ABCB11: variants seen among roughly 807,000 people sequenced by gnomAD.
ABCB11 encodes the protein bile salt export pump.
A neutral mutation model predicts 148.0 loss-of-function variants in ABCB11; 95 were observed. That is an observed-to-expected ratio of 0.64 (90% CI 0.54 to 0.76). The LOEUF is 0.76. Ranked by LOEUF, ABCB11 falls within the 30% of genes least tolerant of loss-of-function variation. ABCB11 has a pLI of 0.00. For missense variants in ABCB11, 1,523 were observed against 1,617.8 expected, an observed-to-expected ratio of 0.94 and a Z score of 1.01; for synonymous variants, 591 against 555.4, an observed-to-expected ratio of 1.06 and a Z score of -0.90.
At chr2:168,924,618 A>G (rs1488087171) in intron 27 of ABCB11, 39 bp downstream of exon 27, 10 of 1,597,328 alleles carry the variant, frequency 6.3e-6, no homozygotes, top group Non-Finnish European at 8.5e-6. Flanking sequence ...CAAAAGACTT[A>G]TTTGTAATGA....
At chr2:168,963,902 C>T (rs964168613) in intron 18 of ABCB11, among the ~76,000 whole-genome samples, 7 of 151,860 alleles carry the variant, frequency 4.6e-5, no homozygotes, top group Admixed American at 3.3e-4. Context: ...AGCAAATAAT[C>T]TGCTAAATAT....
At chr2:168,920,572 AT>A (rs1691045142), downstream of ABCB11, among the ~76,000 whole-genome samples, 1 of 142,862 alleles carries the variant, frequency 7.0e-6, no homozygotes, top group South Asian at 2.2e-4. Flanking sequence ...GTTAACTTTT[AT>A]TAACTGGGGT....
intron 5 of ABCB11, among the ~76,000 whole-genome samples, chr2:169,012,095 G>C (rs1444360107): frequency 6.6e-6 from 1 of 152,204 alleles, no homozygotes; most frequent in Non-Finnish European, 1.5e-5. Flanking sequence ...TTATGGAAGA[G>C]TGTCAATGAT....
At chr2:169,006,436 A>T (rs1695020935) in intron 5 of ABCB11, among the ~76,000 whole-genome samples, 1 of 152,160 alleles carries the variant, frequency 6.6e-6, no homozygotes, top group Non-Finnish European at 1.5e-5. Context: ...CTAATGCCAT[A>T]CTTAATGGTG....
At chr2:168,992,574 C>T (rs968535569) in intron 8 of ABCB11, among the ~76,000 whole-genome samples, 2 of 152,046 alleles carry the variant, frequency 1.3e-5, no homozygotes, top group African/African-American at 4.8e-5. Context: ...GCAATTGATT[C>T]TGTGCCCGAC....
At chr2:169,029,782 G>A (rs539576110) in intron 1 of ABCB11, among the ~76,000 whole-genome samples, 4 of 107,116 alleles carry the variant, frequency 3.7e-5, no homozygotes, top group East Asian at 3.7e-4. Context: ...CGCCCAGGCC[G>A]GACTGCGGAC....
intron 13 of ABCB11, among the ~76,000 whole-genome samples, chr2:168,973,029 C>A (rs1693656033): frequency 6.6e-6 from 1 of 152,004 alleles, no homozygotes; most frequent in African/African-American, 2.4e-5. Context: ...TACTAATACT[C>A]ATTTTTCTTA....
At chr2:169,008,956 G>C (rs1210355677) in intron 5 of ABCB11, among the ~76,000 whole-genome samples, 2 of 152,132 alleles carry the variant, frequency 1.3e-5, no homozygotes, top group African/African-American at 2.4e-5. Flanking sequence ...ATATTATTTA[G>C]CAATAAAAAT....
chr2:168,969,267 TA>T, intron 16 of ABCB11, 82 bp downstream of exon 16: 1 of 1,279,288 alleles, frequency 7.8e-7, no homozygotes, highest in South Asian at 1.4e-5. Context: ...GAACAGTGAG[TA>T]TTGAAATACA....
chr2:168,989,812 T>A (rs1300656387), intron 9 of ABCB11, among the ~76,000 whole-genome samples: 1 of 152,080 alleles, frequency 6.6e-6, no homozygotes, highest in Non-Finnish European at 1.5e-5. Flanking sequence ...AGAGTTTCTG[T>A]CAGGAAAGGA....
At chr2:168,973,381 A>G (rs865818077) in intron 13 of ABCB11, among the ~76,000 whole-genome samples, 4 of 152,050 alleles carry the variant, frequency 2.6e-5, no homozygotes, top group African/African-American at 7.2e-5. Context: ...TGCCAACATC[A>G]AGTGACATAT....
intron 19 of ABCB11, among the ~76,000 whole-genome samples, chr2:168,949,741 T>C (rs1037844667): frequency 2.0e-5 from 3 of 151,668 alleles, no homozygotes; most frequent in Middle Eastern, 3.4e-3. Context: ...GACAACTTGA[T>C]TGAAGAATAC....
chr2:168,942,666 C>T (rs761644957), intron 21 of ABCB11, among the ~76,000 whole-genome samples: 35 of 151,782 alleles, frequency 2.3e-4, no homozygotes, highest in Non-Finnish European at 3.2e-4. Context: ...ATACCTCATT[C>T]TTCATAATGC....
downstream of ABCB11, among the ~76,000 whole-genome samples, chr2:168,916,577 A>G (rs751632967): frequency 9.2e-5 from 14 of 152,222 alleles, no homozygotes; most frequent in Non-Finnish European, 1.9e-4. Flanking sequence ...ACAGTCTGCT[A>G]TTTAAATTAA....
chr2:168,931,212 G>T (rs958995056), intron 24 of ABCB11, among the ~76,000 whole-genome samples: 1 of 152,104 alleles, frequency 6.6e-6, no homozygotes, highest in African/African-American at 2.4e-5. Context: ...CTATAGCTTT[G>T]TTCTCCTAAA....
intron 23 of ABCB11, 132 bp downstream of exon 23, chr2:168,935,052 A>G: frequency 2.3e-6 from 3 of 1,310,606 alleles, no homozygotes; most frequent in Non-Finnish European, 3.2e-6. Flanking sequence ...ATCTTGAGAA[A>G]TAATTAATCC....
chr2:168,960,987 A>G (rs1313198765), intron 18 of ABCB11, among the ~76,000 whole-genome samples: 2 of 151,684 alleles, frequency 1.3e-5, no homozygotes, highest in African/African-American at 4.8e-5. Flanking sequence ...AATCATATGT[A>G]AAGAAATGCC....
chr2:168,998,319 G>GGA (rs1694778222), intron 5 of ABCB11, among the ~76,000 whole-genome samples: 1 of 151,930 alleles, frequency 6.6e-6, no homozygotes, highest in South Asian at 2.1e-4. Flanking sequence ...GGAGGGATGG[G>GGA]GAGAGGTTGG....
intron 19 of ABCB11, among the ~76,000 whole-genome samples, chr2:168,945,997 T>G (rs2105914686): frequency 6.6e-6 from 1 of 151,958 alleles, no homozygotes; most frequent in South Asian, 2.1e-4. Context: ...GTATAATGCT[T>G]AGTAAACTAC....
Sources: gnomAD v4.1 joint callset for allele counts (sites outside exome capture counted in the v4.1 genomes callset) on GRCh38, gnomAD v4.1.1 for gene constraint, MANE v1.5 for transcripts, NCBI Gene and HGNC (gene_info 2026-07-23, HGNC 2026-07-21) for gene names.